ACOXL: variants seen among roughly 807,000 people sequenced by gnomAD.
ACOXL encodes acyl-CoA oxidase like.
Under a neutral mutation model 71.9 loss-of-function variants are expected in ACOXL, and 70 were observed. The ratio of observed to expected loss-of-function variants is 0.97; its 90% CI spans 0.80 to 1.19. The LOEUF is 1.19. Among genes scored for constraint, ACOXL ranks in the 50% most tolerant of loss-of-function variants. ACOXL has a pLI of 0.00. For missense variants in ACOXL, 703 were observed against 736.3 expected (o/e 0.95, Z 0.52); for synonymous variants, 253 against 281.6 (o/e 0.90, Z 1.02).
At chr2:110,984,212 T>C (rs1411358737) in intron 12 of ACOXL, among the ~76,000 whole-genome samples, 1 of 152,108 alleles carries the variant, frequency 6.6e-6, no homozygotes, top group Non-Finnish European at 1.5e-5. Context: ...CTTTTAACTT[T>C]GCAACTTCTG....
chr2:111,041,865 G>C (rs370937914), intron 15 of ACOXL, among the ~76,000 whole-genome samples: 1 of 152,216 alleles, frequency 6.6e-6, no homozygotes, highest in African/African-American at 2.4e-5. Context: ...ACTGTGCTCT[G>C]TCTCCCGACT....
At position 110,899,074 on chromosome 2, in the gene ACOXL, A is replaced by G. The variant is rs150282423; in HGVS notation, c.789-9715A>G. On this transcript the variant is annotated intron_variant, in intron 10 of 17. Coordinates refer to ENST00000439055, the MANE Select transcript of ACOXL (RefSeq NM_001142807.4). Reference sequence around the variant, plus strand: ...AGAACAACACAACACTGATGAAAGAAATCAAAGATCTAAATAAATGGAGAG... The same window carrying G: ...AGAACAACACAACACTGATGAAAGAGATCAAAGATCTAAATAAATGGAGAG... Among the ~76,000 whole-genome samples the G allele has an allele frequency of 2.0e-3, 300 of 152,332 alleles. 2 individuals are homozygous for G. The highest frequency in any genetic ancestry group is 7.1e-3 in the African/African-American group (294 of 41,574).
intron 15 of ACOXL, among the ~76,000 whole-genome samples, chr2:111,046,703 G>A (rs189535985): frequency 2.6e-5 from 4 of 152,208 alleles, no homozygotes; most frequent in East Asian, 3.9e-4. Context: ...CGTGACATGC[G>A]GAGATTATGG....
chr2:110,773,117 C>T (rs1288804065), intron 2 of ACOXL, among the ~76,000 whole-genome samples: 1 of 152,174 alleles, frequency 6.6e-6, no homozygotes, highest in Non-Finnish European at 1.5e-5. Flanking sequence ...TCAGGAAGCT[C>T]AGTCTCAGCA....
At chr2:111,112,127 G>A (rs1397654541) in intron 17 of ACOXL, among the ~76,000 whole-genome samples, 1 of 152,208 alleles carries the variant, frequency 6.6e-6, no homozygotes, top group East Asian at 1.9e-4. Flanking sequence ...TTTATCAACT[G>A]AAGGAACAAA....
chr2:110,988,425 G>C (rs1262811878), intron 13 of ACOXL, among the ~76,000 whole-genome samples: 1 of 151,914 alleles, frequency 6.6e-6, no homozygotes, highest in African/African-American at 2.4e-5. Flanking sequence ...GGGCAACAGA[G>C]TGAGACCTTG....
intron 16 of ACOXL, among the ~76,000 whole-genome samples, chr2:111,088,304 A>G (rs966026146): frequency 2.6e-5 from 4 of 152,230 alleles, no homozygotes; most frequent in African/African-American, 7.2e-5. Flanking sequence ...CATATACCCA[A>G]AGGAATATAA....
chr2:110,903,422 A>G (rs543761933), intron 10 of ACOXL, among the ~76,000 whole-genome samples: 1 of 152,366 alleles, frequency 6.6e-6, no homozygotes, highest in South Asian at 2.1e-4. Flanking sequence ...TAGCTTTTCA[A>G]ATCTATAATT....
In ACOXL at chr2:111,118,489, A is replaced by C. The variant is rs544327551; in HGVS notation, c.*673A>C. 9.8e-5 allele frequency among the ~76,000 whole-genome samples: 15 copies of C among 152,326 alleles called. No homozygotes were observed. The East Asian group carries it at 2.7e-3, about 27-fold the overall frequency. ...AAACATTTTTACCATCTGACGCTGT[A>C]GTCTGTCCTTTAGAAGAGAATAGGT... is the stretch of plus-strand genomic sequence containing the variant. On this transcript the variant is annotated 3_prime_UTR_variant, in exon 18 of 18. Coordinates refer to ENST00000439055, the MANE Select transcript of ACOXL (RefSeq NM_001142807.4).
intron 11 of ACOXL, 132 bp downstream of exon 11, chr2:110,909,037 T>A: frequency 1.5e-6 from 1 of 662,936 alleles, no homozygotes; most frequent in Non-Finnish European, 2.5e-6. Context: ...TAAAATCGGA[T>A]GCCCAGGTTA....
chr2:110,792,139 C>T (rs1224613229), intron 3 of ACOXL, among the ~76,000 whole-genome samples: 1 of 152,226 alleles, frequency 6.6e-6, no homozygotes, highest in Non-Finnish European at 1.5e-5. Flanking sequence ...ATGAATCCAT[C>T]CTGAGAGCCA....
At chr2:111,115,979 A>G (rs531096538) in intron 17 of ACOXL, among the ~76,000 whole-genome samples, 3 of 152,348 alleles carry the variant, frequency 2.0e-5, no homozygotes, top group Admixed American at 6.5e-5. Flanking sequence ...CACCAGATAG[A>G]TAAAACCCAT....
intron 10 of ACOXL, among the ~76,000 whole-genome samples, chr2:110,870,886 T>G (rs1184287561): frequency 6.6e-6 from 1 of 151,964 alleles, no homozygotes; most frequent in Non-Finnish European, 1.5e-5. Flanking sequence ...CACGTGGAGT[T>G]TTGGTTTGAA....
rs926440834 is a variant in ACOXL, at chr2:111,095,468, T to G, written c.1542+2502T>G. On this transcript the variant is annotated intron_variant, in intron 17 of 17. Transcript: ENST00000439055. ...GTGCCGTGTCATGATCTCAGCTCAGTGCCACCTCGGCCTCCCGGGCTCAAG... is the reference window on the plus strand; with the variant it reads ...GTGCCGTGTCATGATCTCAGCTCAGGGCCACCTCGGCCTCCCGGGCTCAAG... 2.0e-5 allele frequency among the ~76,000 whole-genome samples: 3 copies of G among 148,798 alleles called. No individual in the cohort carries two copies. In the South Asian group the frequency reaches 6.3e-4, roughly 31 times the overall value.
At chr2:110,749,141 G>A (rs1678601321) in intron 1 of ACOXL, among the ~76,000 whole-genome samples, 1 of 152,174 alleles carries the variant, frequency 6.6e-6, no homozygotes, top group Admixed American at 6.5e-5. Flanking sequence ...GGTATCTGAA[G>A]ATGTGTTTTC....
At chr2:110,765,069 C>T (rs1195205548) in intron 1 of ACOXL, among the ~76,000 whole-genome samples, 1 of 152,144 alleles carries the variant, frequency 6.6e-6, no homozygotes, top group Admixed American at 6.5e-5. Flanking sequence ...TTGCCATTGA[C>T]AGTTATTTTG....
At chr2:110,944,706 A>G (rs774258472) in intron 12 of ACOXL, among the ~76,000 whole-genome samples, 7 of 152,154 alleles carry the variant, frequency 4.6e-5, no homozygotes, top group Non-Finnish European at 8.8e-5. Context: ...GTAGAATTCC[A>G]TGGTGTATAT....
At chr2:110,817,785 G>A (rs986013154) in intron 9 of ACOXL, among the ~76,000 whole-genome samples, 1 of 152,094 alleles carries the variant, frequency 6.6e-6, no homozygotes, top group Non-Finnish European at 1.5e-5. Flanking sequence ...AAAAATATTT[G>A]CATATCTCAT....
At position 110,801,029 on chromosome 2, in the gene ACOXL, G is replaced by A. The variant is rs113640398; in HGVS notation, c.548-623G>A. On this transcript the variant is annotated intron_variant, in intron 7 of 17. Coordinates refer to ENST00000439055, the MANE Select transcript of ACOXL (RefSeq NM_001142807.4). ...CTAAAGACAGATTGTTTTCCCCTAG[G>A]TTAAATCTCTCTAAGTTTTCACAAA... Among the ~76,000 whole-genome samples, 281 of 152,280 alleles carry A rather than the reference G, an allele frequency of 1.8e-3. 5 individuals carry two copies. Among genetic ancestry groups the A allele is most frequent in the African/African-American group, 6.4e-3 (266 of 41,558 alleles).
Sources: allele counts gnomAD v4.1 joint callset (sites outside exome capture counted in the v4.1 genomes callset), GRCh38; gene constraint gnomAD v4.1.1; transcripts MANE v1.5; gene names NCBI Gene and HGNC (gene_info 2026-07-23, HGNC 2026-07-21).